The following BUD31 variants were observed in gnomAD, a reference collection of about 807,000 sequenced individuals.
BUD31 encodes the protein BUD31 spliceosome associated protein, also known as protein BUD31 homolog.
In BUD31, 9 loss-of-function variants were observed where a neutral mutation model predicts 17.9. That is an observed-to-expected ratio of 0.50 (90% CI 0.30 to 0.88). The LOEUF is 0.88. BUD31 is among the 40% of genes least tolerant of loss of function. The pLI, the probability that BUD31 is intolerant of heterozygous loss-of-function variation, is 0.06. For synonymous variants in BUD31, 70 were observed against 64.7 expected, an observed-to-expected ratio of 1.08 and a Z score of -0.39; for missense variants, 148 against 184.5, an observed-to-expected ratio of 0.80 and a Z score of 1.15.
intron 4 of BUD31, 147 bp downstream of exon 4, chr7:99,416,407 T>G (rs1795463603): frequency 1.0e-6 from 1 of 1,003,038 alleles, no homozygotes; most frequent in Non-Finnish European, 1.4e-6. Context: ...CTGAGTTTTG[T>G]GTGTGTGTTT....
chr7:99,417,806 C>G, intron 5 of BUD31: 13 of 1,510,032 alleles, frequency 8.6e-6, no homozygotes, highest in Non-Finnish European at 1.1e-5. Flanking sequence ...GGGTCAATCT[C>G]AACTCCACTT....
intron 1 of BUD31, 75 bp from the exon 2 acceptor site, chr7:99,409,959 C>T (rs916504407): frequency 2.0e-5 from 3 of 152,134 alleles, no homozygotes; most frequent in African/African-American, 7.2e-5. Context: ...TGGGAACTAC[C>T]TGACTTTATG....
chr7:99,411,399 T>G (rs755527171), intron 3 of BUD31, among the ~76,000 whole-genome samples: 7 of 152,210 alleles, frequency 4.6e-5, no homozygotes, highest in Non-Finnish European at 8.8e-5. Context: ...TTTTTTTTGT[T>G]TTTGTTTTTG....
At chr7:99,418,795 C>G (rs372771177) in intron 5 of BUD31, 3 of 153,020 alleles carry the variant, frequency 2.0e-5, no homozygotes, top group South Asian at 2.1e-4. Flanking sequence ...CTGGGTTTCA[C>G]CAGAGGATCC....
intron 1 of BUD31, 130 bp downstream of exon 1, chr7:99,409,375 A>G (rs1290638673): frequency 6.6e-6 from 1 of 151,786 alleles, no homozygotes; most frequent in Non-Finnish European, 1.5e-5. Context: ...TAGCGCCCCA[A>G]TCTCTCTTAC....
At chr7:99,418,053 C>T in intron 5 of BUD31, 2 of 1,032,492 alleles carry the variant, frequency 1.9e-6, no homozygotes, top group South Asian at 2.3e-5. Context: ...CTGCAACCTC[C>T]ACCTCCCGGG....
intron 4 of BUD31, chr7:99,416,835 C>T (rs921174552): frequency 6.3e-6 from 1 of 159,316 alleles, no homozygotes; most frequent in African/African-American, 2.4e-5. Context: ...ATCCTCTCAC[C>T]TCAACCTCCT....
chr7:99,412,615 CTTT>C (rs1247022408), intron 3 of BUD31, among the ~76,000 whole-genome samples: 2 of 140,330 alleles, frequency 1.4e-5, no homozygotes. Flanking sequence ...TCTTTTTTTT[CTTT>C]TTTTTTTTTT....
intron 3 of BUD31, 25 bp from the exon 4 acceptor site, chr7:99,416,112 CA>C: frequency 1.9e-6 from 3 of 1,611,812 alleles, no homozygotes; most frequent in Non-Finnish European, 2.5e-6. Flanking sequence ...CCTATTCCCC[CA>C]AACACACTCT....
chr7:99,415,406 T>C (rs1795372367), intron 3 of BUD31: 12 of 399,556 alleles, frequency 3.0e-5, no homozygotes, highest in South Asian at 2.2e-4. Context: ...GCTATTGTTA[T>C]CTAAAAGGCA....
At chr7:99,418,140 T>C (rs577020108) in intron 5 of BUD31, 39 of 274,586 alleles carry the variant, frequency 1.4e-4, no homozygotes, top group Non-Finnish European at 2.2e-4. Flanking sequence ...GCTAATTTTG[T>C]ATTTTTAGTA....
At chr7:99,409,326 C>T (rs1795072302) in intron 1 of BUD31, 81 bp downstream of exon 1, 1 of 152,430 alleles carries the variant, frequency 6.6e-6, no homozygotes, top group African/African-American at 2.4e-5. Flanking sequence ...CCCTACAATC[C>T]TGCACTATCT....
chr7:99,416,119 ACT>A lies in BUD31; in HGVS notation c.95-16_95-15del, dbSNP rs1795439876. ...AGACCGACCCTATTCCCCCAAACAC[ACT>A]CTTTGTTTCTCCCCAGCTGAAACAG... On this transcript the variant is annotated splice_polypyrimidine_tract_variant and intron_variant, in intron 3 of 5. Transcript: ENST00000222969. 6.2e-7 allele frequency: 1 copy of A among 1,611,854 alleles called. No homozygotes were observed.
Position 99,411,179 on chromosome 7 carries a change from G to A in BUD31, c.87G>A (p.Met29Ile), listed in dbSNP as rs1468886616. 2 of 1,613,822 alleles carry A rather than the reference G, an allele frequency of 1.2e-6. No individual in the cohort carries two copies. Among genetic ancestry groups the A allele is most frequent in the South Asian group, 1.1e-5 (1 of 90,992 alleles). ...CACTGGATGAATTAGATCAAAAGAT[G>A]AGAGAAGGTGAGTAGGGGAGTTCCT... Reference protein sequence around the residue: ...EPTLDELDQKMREAETEPHEG... With the variant: ...EPTLDELDQKIREAETEPHEG... The change falls in exon 3 of 6, where the codon ATG (methionine) becomes ATA (isoleucine). Residue 29 changes from methionine to isoleucine, a missense_variant. Physicochemically the swap from Met to Ile is conservative, Grantham distance 10. Transcript: ENST00000222969.
intron 1 of BUD31, among the ~76,000 whole-genome samples, chr7:99,409,717 T>C (rs965570974): frequency 1.4e-5 from 2 of 143,050 alleles, no homozygotes; most frequent in Non-Finnish European, 3.0e-5. Flanking sequence ...TAGAGTTTGA[T>C]TCCTCCTCTA....
At chr7:99,415,501 C>G (rs193168954) in intron 3 of BUD31, among the ~76,000 whole-genome samples, 15 of 152,238 alleles carry the variant, frequency 9.9e-5, no homozygotes, top group Admixed American at 9.8e-4. Context: ...AGTTAGGCCT[C>G]TGGATAACTG....
Position 99,412,178 on chromosome 7 carries a change from T to C in BUD31, c.94+992T>C, listed in dbSNP as rs376994571. Among the ~76,000 whole-genome samples, 8 of 152,224 alleles carry C rather than the reference T, an allele frequency of 5.3e-5. No individual in the cohort carries two copies. The East Asian group carries it at 7.7e-4, about 15-fold the overall frequency. On this transcript the variant is annotated intron_variant, in intron 3 of 5. Transcript: ENST00000222969. The stretch of plus-strand genomic sequence containing the variant: ...ATAACTTCTATTAAATACTCAGTAC[T>C]TGTTTTGCAGTTTAGATTTGGATGG...
intron 4 of BUD31, chr7:99,417,044 TC>T (rs1375167253): frequency 4.7e-6 from 1 of 211,134 alleles, no homozygotes; most frequent in Non-Finnish European, 9.7e-6. Flanking sequence ...CCAAGGACTG[TC>T]CCGTTGCAAT....
intron 2 of BUD31, 122 bp from the exon 3 acceptor site, chr7:99,410,942 G>A (rs1795155778): frequency 3.2e-6 from 2 of 633,900 alleles, no homozygotes; most frequent in African/African-American, 3.7e-5. Context: ...TCTGGGTGCT[G>A]AGCCCTGTCC....
Sources: allele counts gnomAD v4.1 joint callset (sites outside exome capture counted in the v4.1 genomes callset), GRCh38; gene constraint gnomAD v4.1.1; transcripts MANE v1.5; gene names NCBI Gene and HGNC (gene_info 2026-07-23, HGNC 2026-07-21).